Variants in DLG2 observed in about 807,000 individuals in gnomAD.
DLG2 encodes the protein discs large MAGUK scaffold protein 2.
In DLG2, 45 loss-of-function variants were observed where a neutral mutation model predicts 132.5. That is an observed-to-expected ratio of 0.34 (90% CI 0.27 to 0.44). DLG2 has a LOEUF of 0.44. Among genes scored for constraint, DLG2 ranks in the 20% least tolerant of loss-of-function variants. The pLI is 1.00. For missense variants in DLG2, 1,045 were observed against 1,196.9 expected, an observed-to-expected ratio of 0.87 and a Z score of 1.87; for synonymous variants, 424 against 419.6, an observed-to-expected ratio of 1.01 and a Z score of -0.13.
intron 6 of DLG2, among the ~76,000 whole-genome samples, chr11:84,782,896 G>A (rs780144528): frequency 7.9e-5 from 12 of 151,982 alleles, no homozygotes; most frequent in Non-Finnish European, 1.2e-4. Flanking sequence ...CAGCATCAGC[G>A]TACCTTTCTG....
chr11:84,259,014 G>A (rs2097517085), intron 7 of DLG2, among the ~76,000 whole-genome samples: 1 of 152,190 alleles, frequency 6.6e-6, no homozygotes, highest in Non-Finnish European at 1.5e-5. Flanking sequence ...GATCATGACT[G>A]TAATCCCAGT....
chr11:84,917,744 G>C (rs2092555358), intron 6 of DLG2, among the ~76,000 whole-genome samples: 1 of 152,006 alleles, frequency 6.6e-6, no homozygotes, highest in Admixed American at 6.6e-5. Context: ...TGAGTTAATG[G>C]GCTTTGTTAG....
chr11:84,078,593 T>A (rs1045457663), intron 10 of DLG2, among the ~76,000 whole-genome samples: 2 of 152,180 alleles, frequency 1.3e-5, no homozygotes, highest in Non-Finnish European at 2.9e-5. Context: ...AGAACCATCA[T>A]AAAGCTGCAG....
intron 10 of DLG2, among the ~76,000 whole-genome samples, chr11:84,062,463 T>C: frequency 6.6e-6 from 1 of 152,188 alleles, no homozygotes; most frequent in Non-Finnish European, 1.5e-5. Context: ...ATTGAGTGGA[T>C]CAAAGATGTG....
intron 3 of DLG2, among the ~76,000 whole-genome samples, chr11:85,401,346 A>G (rs1451373760): frequency 6.6e-6 from 1 of 152,166 alleles, no homozygotes; most frequent in East Asian, 1.9e-4. Context: ...TCTCAAAATA[A>G]TAAGAGTTAT....
intron 15 of DLG2, among the ~76,000 whole-genome samples, chr11:83,899,142 C>T (rs1365945263): frequency 6.6e-6 from 1 of 151,454 alleles, no homozygotes; most frequent in Non-Finnish European, 1.5e-5. Flanking sequence ...ACATGACTTA[C>T]TCTTGTTGCT....
chr11:83,867,072 C>G (rs2062533805), intron 16 of DLG2, among the ~76,000 whole-genome samples: 1 of 152,134 alleles, frequency 6.6e-6, no homozygotes, highest in Non-Finnish European at 1.5e-5. Flanking sequence ...GACAATGATT[C>G]TAGTTAACAA....
At chr11:85,428,582 G>C (rs928255120) in intron 3 of DLG2, among the ~76,000 whole-genome samples, 1 of 152,106 alleles carries the variant, frequency 6.6e-6, no homozygotes, top group Admixed American at 6.5e-5. Flanking sequence ...AAACCAATGA[G>C]AACAAAGACA....
chr11:84,990,271 TTGTA>T (rs993825605), intron 6 of DLG2, among the ~76,000 whole-genome samples: 3 of 152,230 alleles, frequency 2.0e-5, no homozygotes, highest in Non-Finnish European at 4.4e-5. Flanking sequence ...CTTTGAATGT[TTGTA>T]GCCCTCTTAA....
intron 8 of DLG2, among the ~76,000 whole-genome samples, chr11:84,211,857 T>C (rs940005030): frequency 6.6e-6 from 1 of 152,148 alleles, no homozygotes; most frequent in Non-Finnish European, 1.5e-5. Context: ...AGATAAGATA[T>C]ATTTATCAAA....
intron 6 of DLG2, among the ~76,000 whole-genome samples, chr11:84,694,264 T>C (rs1028475017): frequency 4.6e-5 from 7 of 151,586 alleles, no homozygotes; most frequent in Admixed American, 4.0e-4. Context: ...GGTTATGTTA[T>C]GATGGGAGAA....
At chr11:84,644,635 G>A (rs2099672308) in intron 6 of DLG2, among the ~76,000 whole-genome samples, 1 of 151,728 alleles carries the variant, frequency 6.6e-6, no homozygotes, top group African/African-American at 2.4e-5. Flanking sequence ...GAACTCTGGA[G>A]GCGCAGCTTG....
intron 19 of DLG2, among the ~76,000 whole-genome samples, chr11:83,618,163 T>C (rs867375947): frequency 1.3e-5 from 2 of 152,232 alleles, no homozygotes; most frequent in Admixed American, 6.5e-5. Flanking sequence ...AATGTGATTT[T>C]CTAATGTTAA....
intron 7 of DLG2, among the ~76,000 whole-genome samples, chr11:84,503,814 G>A (rs897500191): frequency 1.3e-5 from 2 of 152,334 alleles, no homozygotes; most frequent in African/African-American, 2.4e-5. Context: ...TACCCTGTAA[G>A]CATCACTGCA....
chr11:84,908,070 G>A (rs957622326), intron 6 of DLG2, among the ~76,000 whole-genome samples: 2 of 151,944 alleles, frequency 1.3e-5, no homozygotes, highest in Non-Finnish European at 1.5e-5. Context: ...AATGTCAAGG[G>A]CCTCTCCATC....
At chr11:84,960,587 C>G (rs1252002972) in intron 6 of DLG2, among the ~76,000 whole-genome samples, 1 of 151,974 alleles carries the variant, frequency 6.6e-6, no homozygotes, top group Non-Finnish European at 1.5e-5. Context: ...AGGCACACAC[C>G]ACCATGCCTG....
chr11:84,375,671 T>A (rs148769558), intron 7 of DLG2, among the ~76,000 whole-genome samples: 337 of 149,718 alleles, frequency 2.3e-3, no homozygotes, highest in African/African-American at 7.5e-3. Flanking sequence ...ACTGGAATAT[T>A]TTTTTTTTTA....
At chr11:84,507,902 A>G (rs1205351562) in intron 7 of DLG2, among the ~76,000 whole-genome samples, 1 of 152,148 alleles carries the variant, frequency 6.6e-6, no homozygotes, top group Non-Finnish European at 1.5e-5. Flanking sequence ...GCATCCTTTA[A>G]AATAATCTCA....
At chr11:83,728,141 C>T (rs2090357871) in intron 18 of DLG2, among the ~76,000 whole-genome samples, 2 of 152,192 alleles carry the variant, frequency 1.3e-5, no homozygotes, top group Admixed American at 1.3e-4. Context: ...GAATGCTACT[C>T]TCTCCAAACT....
Sources: allele counts gnomAD v4.1 joint callset (sites outside exome capture counted in the v4.1 genomes callset), GRCh38; gene constraint gnomAD v4.1.1; transcripts MANE v1.5; gene names NCBI Gene and HGNC (gene_info 2026-07-23, HGNC 2026-07-21).